Variants in KDM4B observed in about 807,000 individuals in gnomAD.
KDM4B encodes lysine-specific demethylase 4B.
KDM4B carries 32 observed loss-of-function variants against 125.2 expected under a neutral mutation model. The ratio of observed to expected loss-of-function variants is 0.26; its 90% CI spans 0.19 to 0.34. The LOEUF is 0.34. Among genes scored for constraint, KDM4B ranks in the 10% least tolerant of loss-of-function variants. KDM4B has a pLI of 1.00. For missense variants in KDM4B, 1,190 were observed against 1,577.7 expected, an observed-to-expected ratio of 0.75 and a Z score of 4.16; for synonymous variants, 721 against 677.9, an observed-to-expected ratio of 1.06 and a Z score of -0.99.
At chr19:5,007,324 T>G (rs1254415086) in intron 1 of KDM4B, among the ~76,000 whole-genome samples, 1 of 152,226 alleles carries the variant, frequency 6.6e-6, no homozygotes, top group Admixed American at 6.5e-5. Flanking sequence ...TTCATTGCTG[T>G]GATGTCAAGC....
intron 2 of KDM4B, among the ~76,000 whole-genome samples, chr19:5,031,573 C>G (rs757479218): frequency 6.6e-6 from 1 of 152,190 alleles, no homozygotes; most frequent in Non-Finnish European, 1.5e-5. Context: ...AGCAGCCCAG[C>G]GCGGGGTGTG....
intron 13 of KDM4B, 55 bp from the exon 14 acceptor site, chr19:5,133,828 G>A (rs893970280): frequency 1.6e-5 from 26 of 1,584,880 alleles, no homozygotes; most frequent in Admixed American, 3.4e-5. Context: ...TGATTCCTTG[G>A]ACGAGTTTTT....
Position 5,032,907 on chromosome 19 carries a change from A to T in KDM4B, c.17A>T (p.His6Leu). The T allele has an allele frequency of 3.7e-6, 6 of 1,614,154 alleles. No individual in the cohort carries two copies. Among genetic ancestry groups the T allele is most frequent in the Non-Finnish European group, 5.1e-6 (6 of 1,180,018 alleles). MGSED[H>L]GAQNPSCKIM... ...GCTGCAGCCATGGGGTCTGAGGACCACGGCGCCCAGAACCCCAGCTGTAAA... is the reference window on the plus strand; with the variant it reads ...GCTGCAGCCATGGGGTCTGAGGACCTCGGCGCCCAGAACCCCAGCTGTAAA... The change falls in exon 3 of 23, where the codon CAC (histidine) becomes CTC (leucine). Residue 6 changes from histidine (H) to leucine (L), a missense_variant. Physicochemically the swap from His to Leu is moderately conservative, Grantham distance 99. Around this residue, in one of 7 missense-constraint regions of KDM4B, gnomAD observed 139 missense variants for 248.3 expected, o/e 0.56. Transcript: ENST00000159111.
rs1223204416 is a variant in KDM4B at position 4,971,091 on chromosome 19, G to C, written c.-109+1861G>C. ...CGGGTGCCTGCGTGTGCACGTGTGTGTTTAGTTGCTGAGACCTGAAATATA... is the reference window on the plus strand; with the variant it reads ...CGGGTGCCTGCGTGTGCACGTGTGTCTTTAGTTGCTGAGACCTGAAATATA... On this transcript the variant is annotated intron_variant, in intron 1 of 22. Coordinates refer to ENST00000159111, the MANE Select transcript of KDM4B (RefSeq NM_015015.3). The surrounding 1 kb of genome is among the most constrained non-coding windows in gnomAD (Gnocchi z 4.1). Among the ~76,000 whole-genome samples the C allele has an allele frequency of 1.3e-5, 2 of 152,218 alleles. No individual in the cohort carries two copies. The highest frequency in any genetic ancestry group is 2.4e-5 in the African/African-American group (1 of 41,438).
chr19:5,149,626 G>A (rs2039911899), intron 21 of KDM4B, among the ~76,000 whole-genome samples: 1 of 152,200 alleles, frequency 6.6e-6, no homozygotes, highest in Non-Finnish European at 1.5e-5. Flanking sequence ...CTGGAGACAC[G>A]CCCCTCCCTG....
In KDM4B at chr19:5,047,715, T is replaced by G. The variant is rs768829777; in HGVS notation, c.626+46T>G. 4 of 1,581,700 alleles carry G rather than the reference T, an allele frequency of 2.5e-6. No individual in the cohort carries two copies. In the South Asian group the frequency reaches 4.5e-5, roughly 18 times the overall value. The stretch of plus-strand genomic sequence containing the variant: ...TGCCGCCGGCCGGACCGAGAGCCCC[T>G]CGGGAGGGAGTCAATCCCGGGTACA... On this transcript the variant is annotated intron_variant, in intron 6 of 22. Coordinates refer to ENST00000159111, the MANE Select transcript of KDM4B (RefSeq NM_015015.3).
At chr19:5,150,939 C>T (rs1285511106) in intron 22 of KDM4B, among the ~76,000 whole-genome samples, 1 of 152,254 alleles carries the variant, frequency 6.6e-6, no homozygotes, top group Admixed American at 6.5e-5. Flanking sequence ...TTTCGCTCCC[C>T]CAGCCCTCAT....
intron 15 of KDM4B, among the ~76,000 whole-genome samples, chr19:5,136,644 C>G (rs2039653812): frequency 6.6e-6 from 1 of 152,154 alleles, no homozygotes; most frequent in Non-Finnish European, 1.5e-5. Context: ...CCCCCACCCC[C>G]AGCCGTGCCC....
At chr19:5,045,050 T>C (rs568349864) in intron 5 of KDM4B, among the ~76,000 whole-genome samples, 1 of 152,342 alleles carries the variant, frequency 6.6e-6, no homozygotes, top group South Asian at 2.1e-4. Flanking sequence ...TTCATCTCCT[T>C]TGGGTAAATA....
At position 5,011,194 on chromosome 19, in the gene KDM4B, T is replaced by A. The variant is rs568946341; in HGVS notation, c.-108-5063T>A. 2.6e-5 allele frequency among the ~76,000 whole-genome samples: 4 copies of A among 152,258 alleles called. No homozygotes were observed. The East Asian group carries it at 7.7e-4, about 29-fold the overall frequency. On this transcript the variant is annotated intron_variant, in intron 1 of 22. Coordinates refer to ENST00000159111, the MANE Select transcript of KDM4B (RefSeq NM_015015.3). ...TGCCCCAGCCCTGGAATTGACCACGTGTCCTGCAGGGCTCCCTGGTTCCTC... is the reference window on the plus strand; with the variant it reads ...TGCCCCAGCCCTGGAATTGACCACGAGTCCTGCAGGGCTCCCTGGTTCCTC...
At chr19:5,080,390 C>G (rs527823751) in intron 8 of KDM4B, among the ~76,000 whole-genome samples, 2 of 152,334 alleles carry the variant, frequency 1.3e-5, no homozygotes, top group Admixed American at 6.5e-5. Context: ...GATAAGAAAA[C>G]AAATGGCCCG....
At position 5,082,313 on chromosome 19, in the gene KDM4B, C is replaced by T; in HGVS notation, c.781-54C>T. On this transcript the variant is annotated intron_variant, in intron 8 of 22. Transcript: ENST00000159111. This position sits in a 1 kb window ranked among gnomAD's most constrained non-coding sequence, Gnocchi z 5.4. ...TTGCTGGGAAGTGCCCACGTCCCAT[C>T]CCCTGGTGCGCCTCTGGTGGCCCTG... 1.9e-6 allele frequency: 3 copies of T among 1,608,964 alleles called. No individual in the cohort carries two copies. Among genetic ancestry groups the T allele is most frequent in the Non-Finnish European group, 2.5e-6 (3 of 1,177,760 alleles).
At chr19:5,040,082 G>T in intron 4 of KDM4B, 71 bp downstream of exon 4, 1 of 1,482,748 alleles carries the variant, frequency 6.7e-7, no homozygotes, top group Non-Finnish European at 9.1e-7. Flanking sequence ...GGCCCTGGGG[G>T]CAGAGAAGGT....
rs575988803 is a variant in KDM4B at position 5,106,093 on chromosome 19, C to T, written c.919-4529C>T. On this transcript the variant is annotated intron_variant, in intron 9 of 22. Coordinates refer to ENST00000159111, the MANE Select transcript of KDM4B (RefSeq NM_015015.3). ...ATTGGGCTCTTGCTATATTCATGAC[C>T]GTGCATTTTGTGTTTCTTCAGGTAA... Among the ~76,000 whole-genome samples the T allele has an allele frequency of 6.6e-5, 10 of 152,294 alleles. 1 individual carries two copies. Among genetic ancestry groups the T allele is most frequent in the African/African-American group, 1.9e-4 (8 of 41,558 alleles).
At position 5,083,805 on chromosome 19, in the gene KDM4B, G is replaced by A. The variant is rs140627586; in HGVS notation, c.918+1301G>A. Among the ~76,000 whole-genome samples, 671 of 152,240 alleles carry A rather than the reference G, an allele frequency of 4.4e-3. 2 individuals are homozygous for A. The highest frequency in any genetic ancestry group is 7.5e-3 in the Non-Finnish European group (507 of 68,004). On this transcript the variant is annotated intron_variant, in intron 9 of 22. Transcript: ENST00000159111. ...GTGAGAGCAGGTACTTCCTCCCATC[G>A]TCCCTCCCAGTGCAGAGCCTTCCAG...
chr19:5,047,457 C>T lies in KDM4B; in HGVS notation c.433-19C>T, dbSNP rs953253133. 1 of 1,584,876 alleles carries T rather than the reference C, an allele frequency of 6.3e-7. No individual in the cohort carries two copies. The highest frequency in any genetic ancestry group is 2.2e-5 in the East Asian group (1 of 44,496). On this transcript the variant is annotated intron_variant, in intron 5 of 22. Transcript: ENST00000159111. ...GGGGGTGGCCGGGCGGTTGCCGACGCTGCTCTGCCGCCCCACAGGACGTGG... is the reference window on the plus strand; with the variant it reads ...GGGGGTGGCCGGGCGGTTGCCGACGTTGCTCTGCCGCCCCACAGGACGTGG...
intron 6 of KDM4B, among the ~76,000 whole-genome samples, chr19:5,069,782 T>C (rs2037889156): frequency 6.6e-6 from 1 of 152,034 alleles, no homozygotes; most frequent in African/African-American, 2.4e-5. Flanking sequence ...GTATTTTGTA[T>C]TTTTGGTAGA....
rs1369336757 is a variant in KDM4B, at chr19:5,119,803, G to A, written c.1266G>A (p.Glu422=). ...CGGAGGTTGACCCCGAGGAGGAGGA[G>A]GAGGAGCCGCAGCCACTGCCACACG... The part of the protein sequence containing the change: ...AGPEVDPEEE[E]EEPQPLPHGR... Residue 422 remains glutamate, a synonymous_variant, in exon 11 of 23, where the codon GAG becomes GAA. Transcript: ENST00000159111. 1 of 1,543,762 alleles carries A rather than the reference G, an allele frequency of 6.5e-7. No individual in the cohort carries two copies. Among genetic ancestry groups the A allele is most frequent in the South Asian group, 1.2e-5 (1 of 83,082 alleles).
intron 1 of KDM4B, among the ~76,000 whole-genome samples, chr19:5,001,238 A>G (rs891394471): frequency 4.6e-5 from 7 of 151,816 alleles, no homozygotes; most frequent in African/African-American, 7.3e-5. Context: ...GGGTCTTGCT[A>G]TGTTGCCCAG....
Sources: gnomAD v4.1 joint callset for allele counts (sites outside exome capture counted in the v4.1 genomes callset) on GRCh38, gnomAD v4.1.1 for gene constraint, gnomAD v4.1.1 regional missense constraint, Gnocchi (gnomAD v3.1) non-coding constraint, MANE v1.5 for transcripts, NCBI Gene and HGNC (gene_info 2026-07-23, HGNC 2026-07-21) for gene names.